CASK: variants seen among roughly 807,000 people sequenced by gnomAD.
CASK encodes the protein peripheral plasma membrane protein CASK.
A neutral mutation model predicts 82.9 loss-of-function variants in CASK; 4 were observed. That is an observed-to-expected ratio of 0.05 (90% CI 0.02 to 0.11). The LOEUF (loss-of-function observed/expected upper bound fraction) is 0.11. CASK is among the 10% of genes least tolerant of loss of function. The pLI, the probability that CASK is intolerant of heterozygous loss-of-function variation, is 1.00. For missense variants in CASK, 358 were observed against 720.9 expected (o/e 0.50, Z 5.76); for synonymous variants, 259 against 253.5 (o/e 1.02, Z -0.20).
Position 41,589,601 on chromosome X carries a change from C to G in CASK, c.1156-9G>C. The G allele has an allele frequency of 8.7e-7, 1 of 1,152,159 alleles. No homozygotes were observed. The highest frequency in any genetic ancestry group is 2.5e-4 in the Middle Eastern group (1 of 3,978). The allele number at this position is 1,152,159 out of a possible 1,213,427, so 95.0% of individuals were successfully genotyped here. A position where few individuals can be genotyped will look rare whatever the true frequency, so the allele number is the denominator to read the frequency against. On this transcript the variant is annotated splice_polypyrimidine_tract_variant and intron_variant, in intron 12 of 26. Transcript: ENST00000378163. ...TTAATTTTGTCATACAGCTAAAAAG[C>G]AAAGAAGAAAATCCAGTAAACACTC...
chrX:41,685,016 T>C (rs368271135), intron 5 of CASK, among the ~76,000 whole-genome samples: 42 of 111,982 alleles, frequency 3.8e-4, no homozygotes, highest in Non-Finnish European at 7.3e-4. Flanking sequence ...AATGTTAACA[T>C]AGAGAATCTG....
At chrX:41,872,919 T>G (rs2071730397) in intron 1 of CASK, among the ~76,000 whole-genome samples, 1 of 111,141 alleles carries the variant, frequency 9.0e-6, no homozygotes, top group African/African-American at 3.3e-5. Context: ...GTATAAGATG[T>G]CTAACACATT....
Position 41,531,152 on chromosome X carries a change from G to A in CASK, c.2375C>T (p.Ser792Phe), listed in dbSNP as rs2064797874. Residue 792 changes from serine (S) to phenylalanine (F), a missense_variant, in exon 25 of 27, where the codon TCT (serine) becomes TTT (phenylalanine). Coordinates refer to ENST00000378163, the MANE Select transcript of CASK (RefSeq NM_001367721.1). ...EENGKNYYFV[S>F]HDQMMQDISN... is the part of the protein sequence containing the mutation. The stretch of plus-strand genomic sequence containing the variant: ...GATGTCTTGCATCATTTGGTCATGA[G>A]ATACAAAGTAATAATTCTTTCCATT... 1.7e-6 allele frequency: 2 copies of A among 1,208,587 alleles called. No individual in the cohort carries two copies. The highest frequency in any genetic ancestry group is 2.3e-4 in the Middle Eastern group (1 of 4,373).
intron 2 of CASK, among the ~76,000 whole-genome samples, chrX:41,826,761 G>A (rs895503153): frequency 2.7e-5 from 3 of 112,083 alleles, no homozygotes; most frequent in Non-Finnish European, 3.8e-5. Flanking sequence ...ACAGGTGTGA[G>A]CCACCACGCC....
chrX:41,695,380 A>G (rs1480848571), intron 5 of CASK, among the ~76,000 whole-genome samples: 2 of 103,098 alleles, frequency 1.9e-5, no homozygotes, highest in Middle Eastern at 4.5e-3. Context: ...CAGTGGCTCA[A>G]TTATAGCTCA....
intron 1 of CASK, among the ~76,000 whole-genome samples, chrX:41,881,301 T>C (rs753129717): frequency 3.3e-4 from 37 of 111,782 alleles, no homozygotes; most frequent in Non-Finnish European, 6.6e-4. Flanking sequence ...TATTAAAGTA[T>C]GTTATGGAGT....
chrX:41,879,518 T>G (rs2071905740), intron 1 of CASK, among the ~76,000 whole-genome samples: 1 of 111,963 alleles, frequency 8.9e-6, no homozygotes, highest in Non-Finnish European at 1.9e-5. Context: ...ATTTATGAAC[T>G]ACTGTTGACC....
chrX:41,810,428 T>A, intron 2 of CASK, among the ~76,000 whole-genome samples: 1 of 111,773 alleles, frequency 8.9e-6, no homozygotes, highest in South Asian at 3.8e-4. Context: ...GGGGCCAATA[T>A]TCAACATTCT....
At chrX:41,649,535 G>A in intron 8 of CASK, among the ~76,000 whole-genome samples, 2 of 111,344 alleles carry the variant, frequency 1.8e-5, no homozygotes, top group South Asian at 7.6e-4. Flanking sequence ...TCAGGAGCAG[G>A]ATGTTCAGTT....
At chrX:41,656,694 T>C (rs760693300) in intron 8 of CASK, among the ~76,000 whole-genome samples, 1 of 111,207 alleles carries the variant, frequency 9.0e-6, no homozygotes, top group South Asian at 3.9e-4. Flanking sequence ...GTGTCCCCAC[T>C]AGATATTCTT....
chrX:41,816,553 T>A (rs1367031811), intron 2 of CASK, among the ~76,000 whole-genome samples: 1 of 106,801 alleles, frequency 9.4e-6, no homozygotes, highest in African/African-American at 3.4e-5. Context: ...ACAGAAAACA[T>A]AAATGAAACA....
At chrX:41,834,768 T>C (rs1052657920) in intron 2 of CASK, among the ~76,000 whole-genome samples, 5 of 112,465 alleles carry the variant, frequency 4.4e-5, no homozygotes, top group African/African-American at 1.6e-4. Context: ...CTATCTGACA[T>C]GTATTATTTA....
chrX:41,728,096 C>T (rs1404571418), intron 5 of CASK: 1 of 538,215 alleles, frequency 1.9e-6, no homozygotes, highest in Non-Finnish European at 2.8e-6. Flanking sequence ...TTATTAGGGA[C>T]ACTAAACTAC....
chrX:41,774,496 G>A (rs1482517226), intron 3 of CASK, among the ~76,000 whole-genome samples: 1 of 111,106 alleles, frequency 9.0e-6, no homozygotes, highest in Non-Finnish European at 1.9e-5. Context: ...TCCCCATCAA[G>A]CTACCAATGA....
chrX:41,785,160 C>T (rs1463846146), intron 3 of CASK, among the ~76,000 whole-genome samples: 1 of 108,900 alleles, frequency 9.2e-6, no homozygotes, highest in Non-Finnish European at 1.9e-5. Flanking sequence ...GCGTGTGCCA[C>T]CATGCCCACC....
intron 1 of CASK, among the ~76,000 whole-genome samples, chrX:41,857,339 T>C (rs1397832254): frequency 9.0e-6 from 1 of 110,957 alleles, no homozygotes; most frequent in Non-Finnish European, 1.9e-5. Flanking sequence ...AATATCCTCC[T>C]GGGGTACGGA....
intron 1 of CASK, among the ~76,000 whole-genome samples, chrX:41,873,763 G>A (rs1424430175): frequency 9.6e-6 from 1 of 104,647 alleles, no homozygotes; most frequent in African/African-American, 3.4e-5. Context: ...TAGTGCAAAA[G>A]TAATTGCAGT....
chrX:41,636,029 T>C (rs756157703), intron 9 of CASK, among the ~76,000 whole-genome samples: 1 of 106,588 alleles, frequency 9.4e-6, no homozygotes, highest in African/African-American at 3.4e-5. Flanking sequence ...CCCGAGTAGC[T>C]GGGATTATAG....
At chrX:41,876,555 T>C (rs955507796) in intron 1 of CASK, among the ~76,000 whole-genome samples, 3 of 112,004 alleles carry the variant, frequency 2.7e-5, no homozygotes, top group Admixed American at 9.5e-5. Context: ...AGTTGCCTTA[T>C]ATGTTTATGT....
Sources: gnomAD v4.1 joint callset for allele counts (sites outside exome capture counted in the v4.1 genomes callset) on GRCh38, gnomAD v4.1.1 for gene constraint, MANE v1.5 for transcripts, NCBI Gene and HGNC (gene_info 2026-07-23, HGNC 2026-07-21) for gene names.